The following MFAP3L variants were observed in gnomAD, a reference collection of about 807,000 sequenced individuals.
The protein encoded by MFAP3L is microfibrillar-associated protein 3-like.
Under a neutral mutation model 20.0 loss-of-function variants are expected in MFAP3L, and 5 were observed. The ratio of observed to expected loss-of-function variants is 0.25; its 90% CI spans 0.13 to 0.53. MFAP3L has a LOEUF of 0.53. Among genes scored for constraint, MFAP3L ranks in the 20% least tolerant of loss-of-function variants. MFAP3L has a pLI of 0.96. For missense variants in MFAP3L, 409 were observed against 527.5 expected, an observed-to-expected ratio of 0.78 and a Z score of 2.20; for synonymous variants, 219 against 213.0, an observed-to-expected ratio of 1.03 and a Z score of -0.25.
rs1737458341 is a variant in MFAP3L, at chr4:169,988,819, T to G, written c.*2559A>C. On this transcript the variant is annotated 3_prime_UTR_variant, in exon 3 of 3. Transcript: ENST00000361618. ...AGGGAGAAAGTTTTGAAAATCTACATAAGCTCTCCCCACTGCAGTCTAAAG... is the reference window on the plus strand; with the variant it reads ...AGGGAGAAAGTTTTGAAAATCTACAGAAGCTCTCCCCACTGCAGTCTAAAG... 6.6e-6 allele frequency: 1 copy of G among 152,162 alleles called. No individual in the cohort carries two copies. The highest frequency in any genetic ancestry group is 1.5e-5 in the Non-Finnish European group (1 of 68,018). The allele number at this position is 152,162 out of a possible 1,614,324, so 9.4% of individuals were successfully genotyped here.
intron 2 of MFAP3L, among the ~76,000 whole-genome samples, chr4:170,001,030 G>A (rs1232487014): frequency 6.6e-6 from 1 of 152,162 alleles, no homozygotes; most frequent in African/African-American, 2.4e-5. Flanking sequence ...GCCTTGATGA[G>A]TGTTTTAAAT....
chr4:170,021,884 C>A (rs1321621097), intron 1 of MFAP3L, among the ~76,000 whole-genome samples: 1 of 152,176 alleles, frequency 6.6e-6, no homozygotes, highest in Non-Finnish European at 1.5e-5. Context: ...TGGAGCCCAT[C>A]GCAAACATTG....
In MFAP3L at chr4:169,991,662, C is replaced by G; in HGVS notation, c.946G>C (p.Ala316Pro). 6.2e-7 allele frequency: 1 copy of G among 1,614,160 alleles called. No homozygotes were observed. The highest frequency in any genetic ancestry group is 1.7e-4 in the Middle Eastern group (1 of 6,060). Reference sequence around the variant, plus strand: ...TGCGGGTGAACTGACACCTTGATGGCAATTTGCTGAGGTTGCTCGTGCAGC... The same window carrying G: ...TGCGGGTGAACTGACACCTTGATGGGAATTTGCTGAGGTTGCTCGTGCAGC... ...SSLHEQPQQIAIKVSVHPQSK... is the reference protein window; with the variant it reads ...SSLHEQPQQIPIKVSVHPQSK... Residue 316 changes from alanine to proline, a missense_variant, in exon 3 of 3, where the codon GCC becomes CCC. Physicochemically the swap from Ala to Pro is conservative, Grantham distance 27 (BLOSUM62 -1). This residue lies in a region of MFAP3L where 169 missense variants were observed against 178.2 expected (regional missense o/e 0.95). Transcript: ENST00000361618. This position sits in a 1 kb window ranked among gnomAD's most constrained non-coding sequence, Gnocchi z 4.9.
intron 1 of MFAP3L, among the ~76,000 whole-genome samples, chr4:170,024,564 A>C (rs1740236149): frequency 6.6e-6 from 1 of 152,212 alleles, no homozygotes; most frequent in Non-Finnish European, 1.5e-5. Flanking sequence ...TTTGTGTTGG[A>C]GTTTTCAAAC....
chr4:170,001,648 C>T (rs1338850930), intron 2 of MFAP3L, among the ~76,000 whole-genome samples: 1 of 152,118 alleles, frequency 6.6e-6, no homozygotes, highest in Non-Finnish European at 1.5e-5. Flanking sequence ...ATAGTTAGGA[C>T]TTAATTCCTG....
At chr4:169,998,203 T>G (rs1738339198) in intron 2 of MFAP3L, among the ~76,000 whole-genome samples, 1 of 152,226 alleles carries the variant, frequency 6.6e-6, no homozygotes, top group Non-Finnish European at 1.5e-5. Flanking sequence ...TATGGCCCAA[T>G]GTCTCCTCAA....
intron 1 of MFAP3L, among the ~76,000 whole-genome samples, chr4:170,009,814 A>G (rs904960504): frequency 1.3e-5 from 2 of 152,202 alleles, no homozygotes; most frequent in African/African-American, 2.4e-5. Context: ...ATAATCAATA[A>G]GACTGTTGCC....
intron 1 of MFAP3L, among the ~76,000 whole-genome samples, chr4:170,024,200 T>G (rs1445442317): frequency 6.6e-6 from 1 of 152,224 alleles, no homozygotes; most frequent in African/African-American, 2.4e-5. Context: ...TAGGGAAATG[T>G]GGACTTTTTG....
In MFAP3L at chr4:169,997,759, T is replaced by TGGATGGCC. The variant is rs538238563; in HGVS notation, c.299-5458_299-5451dup. The TGGATGGCC allele has an allele frequency of 1.9e-3, 1,889 of 983,704 alleles. 5 individuals carry two copies. Among genetic ancestry groups the TGGATGGCC allele is most frequent in the Middle Eastern group, 4.2e-3 (8 of 1,908 alleles). The allele number at this position is 983,704 out of a possible 1,614,324, so 60.9% of individuals were successfully genotyped here. On this transcript the variant is annotated intron_variant, in intron 2 of 2. Coordinates refer to ENST00000361618, the MANE Select transcript of MFAP3L (RefSeq NM_021647.8). ...CTATCACACACAACTCACCGCAGCC[T>TGGATGGCC]GGATGGCCGACTCCTGCCCAGCTCG...
intron 1 of MFAP3L, among the ~76,000 whole-genome samples, chr4:170,010,299 A>G (rs1581503411): frequency 1.3e-5 from 2 of 152,226 alleles, no homozygotes; most frequent in South Asian, 4.1e-4. Flanking sequence ...TTCTTTTGCG[A>G]TTAAAAAAAA....
In MFAP3L at chr4:169,987,076, TATG is replaced by T. The variant is rs1452356935; in HGVS notation, c.*4299_*4301del. On this transcript the variant is annotated 3_prime_UTR_variant, in exon 3 of 3. Transcript: ENST00000361618. The stretch of plus-strand genomic sequence containing the variant: ...CTGTTAAAGATCATTATCATCCTCA[TATG>T]ATATCTTCGTGAATAAAAGATAAAT... 1 of 152,340 alleles carries T rather than the reference TATG, an allele frequency of 6.6e-6. No individual in the cohort carries two copies. The highest frequency in any genetic ancestry group is 2.4e-5 in the African/African-American group (1 of 41,592). The allele number at this position is 152,340 out of a possible 1,614,324, so 9.4% of individuals were successfully genotyped here. A position where few individuals can be genotyped will look rare whatever the true frequency, so the allele number is the denominator to read the frequency against.
Position 170,022,067 on chromosome 4 carries a change from C to A in MFAP3L, c.-134+4167G>T, listed in dbSNP as rs1336898968. On this transcript the variant is annotated intron_variant, in intron 1 of 2. Coordinates refer to ENST00000361618, the MANE Select transcript of MFAP3L (RefSeq NM_021647.8). ...TCACGTGTGCATGGTACGCAGACAG[C>A]AGAACAGCTGATTACTGTTAGAGGA... 2.0e-5 allele frequency among the ~76,000 whole-genome samples: 3 copies of A among 152,330 alleles called. No homozygotes were observed. The East Asian group carries it at 5.8e-4, about 29-fold the overall frequency.
chr4:170,002,898 A>G (rs980488525), intron 2 of MFAP3L, among the ~76,000 whole-genome samples: 2 of 151,976 alleles, frequency 1.3e-5, no homozygotes, highest in African/African-American at 4.8e-5. Context: ...ATAAACTTCT[A>G]GCCTATTGGT....
intron 1 of MFAP3L, among the ~76,000 whole-genome samples, chr4:170,008,748 C>T (rs951225969): frequency 9.2e-5 from 14 of 152,176 alleles, no homozygotes; most frequent in African/African-American, 2.4e-4. Flanking sequence ...ATCACCCCAT[C>T]GCATGTGCAC....
chr4:170,019,228 C>T (rs1739882314), intron 1 of MFAP3L, among the ~76,000 whole-genome samples: 1 of 152,188 alleles, frequency 6.6e-6, no homozygotes, highest in Admixed American at 6.5e-5. Flanking sequence ...ATATAGAGCC[C>T]TTGCTAATTT....
intron 1 of MFAP3L, among the ~76,000 whole-genome samples, chr4:170,024,279 C>T (rs1740215014): frequency 6.6e-6 from 1 of 152,048 alleles, no homozygotes; most frequent in Admixed American, 6.5e-5. Context: ...TGAGAAAATA[C>T]TTAGGATTTG....
At chr4:170,013,889 T>A (rs2111042659) in intron 1 of MFAP3L, among the ~76,000 whole-genome samples, 1 of 152,310 alleles carries the variant, frequency 6.6e-6, no homozygotes, top group South Asian at 2.1e-4. Flanking sequence ...TCTTAATTGA[T>A]CAGAGAGACA....
intron 2 of MFAP3L, among the ~76,000 whole-genome samples, chr4:169,996,582 G>C (rs572221727): frequency 4.1e-4 from 62 of 152,262 alleles, no homozygotes; most frequent in African/African-American, 1.2e-3. Flanking sequence ...CACAGGTAGG[G>C]AGAGGAATGC....
At position 170,023,091 on chromosome 4, in the gene MFAP3L, G is replaced by C. The variant is rs193246704; in HGVS notation, c.-134+3143C>G. Among the ~76,000 whole-genome samples the C allele has an allele frequency of 3.4e-3, 525 of 152,222 alleles. 5 individuals carry two copies. The highest frequency in any genetic ancestry group is 0.012 in the African/African-American group (510 of 41,524). On this transcript the variant is annotated intron_variant, in intron 1 of 2. Transcript: ENST00000361618. ...CTGCTTAGAAGACTTCTAATTCTTT[G>C]GGCATTCCTTAATGAAATATCATGA...
Sources: gnomAD v4.1 joint callset for allele counts (sites outside exome capture counted in the v4.1 genomes callset) on GRCh38, gnomAD v4.1.1 for gene constraint, gnomAD v4.1.1 regional missense constraint, Gnocchi (gnomAD v3.1) non-coding constraint, MANE v1.5 for transcripts, NCBI Gene and HGNC (gene_info 2026-07-23, HGNC 2026-07-21) for gene names.